Variants in KANSL1L observed in about 807,000 individuals in gnomAD.
The protein encoded by KANSL1L is KAT8 regulatory NSL complex subunit 1-like protein.
Under a neutral mutation model 108.6 loss-of-function variants are expected in KANSL1L, and 25 were observed. The observed-to-expected ratio is 0.23, with a 90% confidence interval of 0.17 to 0.32. KANSL1L has a LOEUF of 0.32. KANSL1L is among the 10% of genes least tolerant of loss of function. The pLI is 1.00. For missense variants in KANSL1L, 1,137 were observed against 1,125.7 expected (o/e 1.01, Z -0.14); for synonymous variants, 405 against 395.1 (o/e 1.03, Z -0.30).
In KANSL1L at chr2:210,129,012, G is replaced by A; in HGVS notation, c.1230+19C>T. 1 of 1,594,808 alleles carries A rather than the reference G, an allele frequency of 6.3e-7. No homozygotes were observed. Among genetic ancestry groups the A allele is most frequent in the Non-Finnish European group, 8.6e-7 (1 of 1,166,108 alleles). The stretch of plus-strand genomic sequence containing the variant: ...TTAACAATTTTTAACAAAAGTAGAA[G>A]AACACAGACAGACAATACCTTGGAG... On this transcript the variant is annotated intron_variant, in intron 3 of 14. Coordinates refer to ENST00000281772, the MANE Select transcript of KANSL1L (RefSeq NM_152519.4).
chr2:210,050,858 C>T (rs2094284980), intron 6 of KANSL1L, among the ~76,000 whole-genome samples: 1 of 152,094 alleles, frequency 6.6e-6, no homozygotes, highest in Admixed American at 6.6e-5. Flanking sequence ...ATCCTCCCAC[C>T]TCAGCCTCCT....
chr2:210,088,314 G>T (rs1003762184), intron 5 of KANSL1L: 1 of 152,254 alleles, frequency 6.6e-6, no homozygotes, highest in African/African-American at 2.4e-5. Flanking sequence ...GTGAAAAGGG[G>T]TAACTTCAAG....
rs140236472 is a variant in KANSL1L at position 210,029,873 on chromosome 2, G to A, written c.2201C>T (p.Ser734Leu). The change falls in exon 10 of 15, where the codon TCA becomes TTA. Residue 734 changes from serine (S) to leucine (L), a missense_variant. Around this residue, in one of 3 missense-constraint regions of KANSL1L, gnomAD observed 575 missense variants for 567.1 expected, o/e 1.01. Coordinates refer to ENST00000281772, the MANE Select transcript of KANSL1L (RefSeq NM_152519.4). ...LEESDFQHTESGSHSNFTAVS... is the reference protein window; with the variant it reads ...LEESDFQHTELGSHSNFTAVS... ...AGCAGTAAAATTGCTATGGGATCCT[G>A]ATTCTGTGTGTTGAAAATCAGATTC... is the stretch of plus-strand genomic sequence containing the variant. 253 of 1,605,992 alleles carry A rather than the reference G, an allele frequency of 1.6e-4. No homozygotes were observed. In the African/African-American group the frequency reaches 3.2e-3, roughly 20 times the overall value.
chr2:210,169,960 GAC>G (rs1451185747), intron 1 of KANSL1L, among the ~76,000 whole-genome samples: 1 of 152,098 alleles, frequency 6.6e-6, no homozygotes, highest in African/African-American at 2.4e-5. Flanking sequence ...AATCTCTTAA[GAC>G]AGAGACCATA....
intron 6 of KANSL1L, 129 bp downstream of exon 6, chr2:210,075,423 A>G: frequency 1.5e-6 from 1 of 648,856 alleles, no homozygotes; most frequent in Non-Finnish European, 2.6e-6. Flanking sequence ...TTTAAACTAT[A>G]TTTGTAAGTT....
At chr2:210,145,779 C>G (rs1405529380) in intron 2 of KANSL1L, among the ~76,000 whole-genome samples, 1 of 152,172 alleles carries the variant, frequency 6.6e-6, no homozygotes, top group Non-Finnish European at 1.5e-5. Flanking sequence ...GGCTCCAAGG[C>G]TTGGGTTGAG....
intron 5 of KANSL1L, chr2:210,096,853 TAAATA>T (rs2094740649): frequency 1.0e-5 from 8 of 795,828 alleles, no homozygotes; most frequent in Non-Finnish European, 1.2e-5. Context: ...TAACTCAACA[TAAATA>T]AAATAGTAAA....
intron 6 of KANSL1L, among the ~76,000 whole-genome samples, chr2:210,072,679 TG>T (rs56678178): frequency 0.33 from 50,593 of 151,922 alleles, 8,539 homozygotes; most frequent in East Asian, 0.5. Flanking sequence ...GCCACTGATC[TG>T]ACAGGAGGCA....
At position 210,068,339 on chromosome 2, in the gene KANSL1L, A is replaced by T. The variant is rs555916723; in HGVS notation, c.1755+7213T>A. Among the ~76,000 whole-genome samples, 180 of 152,118 alleles carry T rather than the reference A, an allele frequency of 1.2e-3. 1 individual carries two copies. Among genetic ancestry groups the T allele is most frequent in the Non-Finnish European group, 2.2e-3 (149 of 68,002 alleles). On this transcript the variant is annotated intron_variant, in intron 6 of 14. Coordinates refer to ENST00000281772, the MANE Select transcript of KANSL1L (RefSeq NM_152519.4). The stretch of plus-strand genomic sequence containing the variant: ...TTAAAAATATATACATATATTCAGG[A>T]TATAAAATCTTTGTTGAATATATAC...
intron 5 of KANSL1L, among the ~76,000 whole-genome samples, chr2:210,094,555 T>G (rs1274376090): frequency 6.6e-6 from 1 of 152,088 alleles, no homozygotes; most frequent in African/African-American, 2.4e-5. Context: ...TAGAGATCCA[T>G]TTCACATTAC....
intron 2 of KANSL1L, among the ~76,000 whole-genome samples, chr2:210,129,611 C>A (rs951699533): frequency 1.3e-5 from 2 of 152,108 alleles, no homozygotes; most frequent in East Asian, 1.9e-4. Context: ...GTAGCATATT[C>A]GATTTTACTA....
At chr2:210,023,944 T>G in intron 14 of KANSL1L, 89 bp downstream of exon 14, 3 of 854,646 alleles carry the variant, frequency 3.5e-6, no homozygotes, top group Non-Finnish European at 5.2e-6. Flanking sequence ...TGTAATGATG[T>G]AATAAACTTA....
intron 8 of KANSL1L, among the ~76,000 whole-genome samples, chr2:210,039,619 T>A (rs1183865104): frequency 2.6e-5 from 4 of 151,878 alleles, no homozygotes; most frequent in Admixed American, 6.5e-5. Context: ...CAAAATATGT[T>A]GTTTTCTTTC....
intron 6 of KANSL1L, among the ~76,000 whole-genome samples, chr2:210,073,703 A>G (rs1036280231): frequency 2.0e-5 from 3 of 152,048 alleles, no homozygotes; most frequent in African/African-American, 7.2e-5. Flanking sequence ...AAAGAAAAAA[A>G]AGAAAGTTCT....
chr2:210,028,207 C>CT (rs1353838418), intron 11 of KANSL1L, among the ~76,000 whole-genome samples: 1 of 152,124 alleles, frequency 6.6e-6, no homozygotes. Context: ...CTGGACCTAA[C>CT]TTTGTTTTTA....
At chr2:210,142,018 G>A (rs368225574) in intron 2 of KANSL1L, among the ~76,000 whole-genome samples, 8 of 145,168 alleles carry the variant, frequency 5.5e-5, no homozygotes, top group African/African-American at 1.8e-4. Flanking sequence ...TTCTTATAGT[G>A]TCCTTCTCTG....
At chr2:210,027,389 T>C in intron 11 of KANSL1L, 39 bp from the exon 12 acceptor site, 3 of 1,455,574 alleles carry the variant, frequency 2.1e-6, no homozygotes, top group Non-Finnish European at 2.9e-6. Flanking sequence ...AGCTTTTATT[T>C]ATTTAAATGT....
At chr2:210,091,467 T>C (rs888388094) in intron 5 of KANSL1L, among the ~76,000 whole-genome samples, 4 of 152,126 alleles carry the variant, frequency 2.6e-5, no homozygotes, top group Non-Finnish European at 5.9e-5. Context: ...TATGAAGCAA[T>C]AACTCCCCTT....
intron 5 of KANSL1L, among the ~76,000 whole-genome samples, chr2:210,084,311 G>A (rs1208530410): frequency 1.3e-5 from 2 of 151,880 alleles, no homozygotes; most frequent in African/African-American, 4.8e-5. Flanking sequence ...AATCCTAGCT[G>A]TTCAGGAGGC....
Sources: gnomAD v4.1 joint callset for allele counts (sites outside exome capture counted in the v4.1 genomes callset) on GRCh38, gnomAD v4.1.1 for gene constraint, gnomAD v4.1.1 regional missense constraint, MANE v1.5 for transcripts, NCBI Gene and HGNC (gene_info 2026-07-23, HGNC 2026-07-21) for gene names.